MAMDC2: variants seen among roughly 807,000 people sequenced by gnomAD.
MAMDC2 encodes the protein MAM domain-containing protein 2.
Under a neutral mutation model 89.8 loss-of-function variants are expected in MAMDC2, and 57 were observed. That is an observed-to-expected ratio of 0.63 (90% CI 0.51 to 0.79). The LOEUF (loss-of-function observed/expected upper bound fraction) is 0.79. MAMDC2 is among the 30% of genes least tolerant of loss of function. The pLI is 0.00. For missense variants in MAMDC2, 800 were observed against 820.6 expected, an observed-to-expected ratio of 0.97 and a Z score of 0.31; for synonymous variants, 313 against 293.4, an observed-to-expected ratio of 1.07 and a Z score of -0.68.
At chr9:70,215,895 A>G (rs1232969878) in intron 11 of MAMDC2, among the ~76,000 whole-genome samples, 2 of 152,200 alleles carry the variant, frequency 1.3e-5, no homozygotes, top group Non-Finnish European at 2.9e-5. Context: ...GTTTTAATAA[A>G]CTTATAGAAC....
chr9:70,131,591 G>A lies in MAMDC2; in HGVS notation c.973G>A (p.Val325Ile), dbSNP rs2030806307. ...VALDDISFSP[V>I]HCQNQTELLF... ...CCTGGATGATATTTCATTCTCTCCT[G>A]TTCACTGCCAGAATCAGACAGGTGA... Residue 325 changes from valine (V) to isoleucine (I), a missense_variant, in exon 7 of 14, where the codon GTT (valine) becomes ATT (isoleucine). Val to Ile is a conservative substitution (Grantham distance 29). Coordinates refer to ENST00000377182, the MANE Select transcript of MAMDC2 (RefSeq NM_153267.5). 1 of 1,609,448 alleles carries A rather than the reference G, an allele frequency of 6.2e-7. No homozygotes were observed. Among genetic ancestry groups the A allele is most frequent in the Admixed American group, 1.7e-5 (1 of 58,680 alleles).
Position 70,138,748 on chromosome 9 carries a change from G to T in MAMDC2, c.995-1397G>T, listed in dbSNP as rs2031092326. 2.0e-5 allele frequency among the ~76,000 whole-genome samples: 3 copies of T among 152,184 alleles called. No homozygotes were observed. The South Asian group carries it at 6.2e-4, about 32-fold the overall frequency. ...TTACCTCCAGGCCATCTGGGGTGAG[G>T]TATTTATAGAACAGGGTAAATAATA... On this transcript the variant is annotated intron_variant, in intron 7 of 13. Coordinates refer to ENST00000377182, the MANE Select transcript of MAMDC2 (RefSeq NM_153267.5).
At chr9:70,168,653 T>C in intron 9 of MAMDC2, 49 bp from the exon 10 acceptor site, 3 of 1,499,152 alleles carry the variant, frequency 2.0e-6, no homozygotes, top group Non-Finnish European at 2.8e-6. Context: ...GTTAGGAGTT[T>C]CCAGTTTTCA....
chr9:70,112,447 C>T (rs1220029532), intron 4 of MAMDC2, among the ~76,000 whole-genome samples: 1 of 152,172 alleles, frequency 6.6e-6, no homozygotes, highest in Non-Finnish European at 1.5e-5. Flanking sequence ...TTTAGCATCT[C>T]AGACACATGT....
At chr9:70,198,830 TTAAA>T (rs1269567565) in intron 11 of MAMDC2, among the ~76,000 whole-genome samples, 2 of 152,152 alleles carry the variant, frequency 1.3e-5, no homozygotes, top group African/African-American at 4.8e-5. Flanking sequence ...CAATAAAATA[TTAAA>T]TAATGAAGTT....
chr9:70,216,653 ACTTT>A (rs1040068714), intron 11 of MAMDC2, among the ~76,000 whole-genome samples: 1 of 152,192 alleles, frequency 6.6e-6, no homozygotes, highest in African/African-American at 2.4e-5. Context: ...TTGCATGCAA[ACTTT>A]CTTTGTGTAC....
chr9:70,187,256 C>T (rs2032777206), intron 11 of MAMDC2, among the ~76,000 whole-genome samples: 1 of 152,066 alleles, frequency 6.6e-6, no homozygotes, highest in African/African-American at 2.4e-5. Context: ...ATATATCCTT[C>T]ATGCTCTCTT....
At position 70,218,514 on chromosome 9, in the gene MAMDC2, C is replaced by G; in HGVS notation, c.1829C>G (p.Ser610Cys). 6.2e-7 allele frequency: 1 copy of G among 1,614,078 alleles called. No individual in the cohort carries two copies. ...AAAAAGGAAGAAGACAGTGAAGAGT[C>G]CCTCTTATGGAGGAGAAGAGGTGAA... ...YLKKEEDSEE[S>C]LLWRRRGEQS... is the part of the protein sequence containing the mutation. The change falls in exon 12 of 14, where the codon TCC becomes TGC. Residue 610 changes from serine (S) to cysteine (C), a missense_variant. Transcript: ENST00000377182.
chr9:70,224,562 C>T (rs1306358113), intron 12 of MAMDC2, among the ~76,000 whole-genome samples: 1 of 152,112 alleles, frequency 6.6e-6, no homozygotes, highest in African/African-American at 2.4e-5. Context: ...GACGGGTGTC[C>T]CAGTTACAGA....
chr9:70,104,201 A>G (rs1409944586), intron 2 of MAMDC2, among the ~76,000 whole-genome samples: 2 of 152,220 alleles, frequency 1.3e-5, no homozygotes, highest in Non-Finnish European at 2.9e-5. Flanking sequence ...AAGATGCTCT[A>G]CATAATTAGT....
chr9:70,050,933 T>C (rs143797944), intron 2 of MAMDC2, among the ~76,000 whole-genome samples: 75 of 152,332 alleles, frequency 4.9e-4, no homozygotes, highest in Admixed American at 7.2e-4. Context: ...CAGCAGATGA[T>C]ACATTTTTCT....
chr9:70,212,983 C>A (rs1308678670), intron 11 of MAMDC2, among the ~76,000 whole-genome samples: 1 of 152,128 alleles, frequency 6.6e-6, no homozygotes, highest in Non-Finnish European at 1.5e-5. Flanking sequence ...AAGAACTGGT[C>A]AACCAGACTA....
At position 70,195,660 on chromosome 9, in the gene MAMDC2, C is replaced by T. The variant is rs138974810; in HGVS notation, c.1652-22677C>T. Among the ~76,000 whole-genome samples the T allele has an allele frequency of 7.9e-5, 12 of 152,202 alleles. No homozygotes were observed. The East Asian group carries it at 1.9e-3, about 24-fold the overall frequency. ...TAGCATCATCCATGCTGTCTATGCT[C>T]TCTGACCATGAGTCACTTAATAGCC... On this transcript the variant is annotated intron_variant, in intron 11 of 13. Coordinates refer to ENST00000377182, the MANE Select transcript of MAMDC2 (RefSeq NM_153267.5).
intron 2 of MAMDC2, among the ~76,000 whole-genome samples, chr9:70,091,487 C>A (rs1827899932): frequency 6.6e-6 from 1 of 152,176 alleles, no homozygotes; most frequent in Non-Finnish European, 1.5e-5. Flanking sequence ...CCTGAGGTTG[C>A]AGGATGCCCT....
intron 4 of MAMDC2, among the ~76,000 whole-genome samples, chr9:70,111,103 TGGGCTTCCACC>T (rs1828500111): frequency 6.6e-6 from 1 of 152,194 alleles, no homozygotes; most frequent in African/African-American, 2.4e-5. Context: ...AGCCTCCCGC[TGGGCTTCCACC>T]TGGCATCTGC....
intron 5 of MAMDC2, among the ~76,000 whole-genome samples, chr9:70,123,443 C>T (rs944525010): frequency 1.3e-5 from 2 of 152,152 alleles, no homozygotes; most frequent in African/African-American, 4.8e-5. Context: ...TCCGATTCTT[C>T]CTTTAAAATT....
At chr9:70,105,183 C>T (rs898312984) in intron 2 of MAMDC2, among the ~76,000 whole-genome samples, 38 of 152,024 alleles carry the variant, frequency 2.5e-4, no homozygotes, top group African/African-American at 9.2e-4. Flanking sequence ...TCAAAATATA[C>T]CGTGTTCCTT....
At chr9:70,136,585 C>T (rs938986828) in intron 7 of MAMDC2, among the ~76,000 whole-genome samples, 13 of 152,128 alleles carry the variant, frequency 8.5e-5, no homozygotes, top group Admixed American at 5.9e-4. Flanking sequence ...CCCAAGAGCA[C>T]TGCTTTAAGA....
At chr9:70,129,752 A>G (rs530080325) in intron 6 of MAMDC2, among the ~76,000 whole-genome samples, 44 of 152,346 alleles carry the variant, frequency 2.9e-4, no homozygotes, top group African/African-American at 1.0e-3. Flanking sequence ...AGATACAGAG[A>G]CATTAGGCCT....
Sources: gnomAD v4.1 joint callset for allele counts (sites outside exome capture counted in the v4.1 genomes callset) on GRCh38, gnomAD v4.1.1 for gene constraint, MANE v1.5 for transcripts, NCBI Gene and HGNC (gene_info 2026-07-23, HGNC 2026-07-21) for gene names.